Variants in ACVR1B observed in about 807,000 individuals in gnomAD.
The protein encoded by ACVR1B is activin receptor type-1B.
A neutral mutation model predicts 55.6 loss-of-function variants in ACVR1B; 15 were observed. The observed-to-expected ratio is 0.27, with a 90% CI of 0.18 to 0.42. ACVR1B has a LOEUF of 0.42. ACVR1B is among the 10% of genes least tolerant of loss of function. The pLI is 1.00. For synonymous variants in ACVR1B, 247 were observed against 254.6 expected (o/e 0.97, Z 0.28); for missense variants, 359 against 670.1 (o/e 0.54, Z 5.13).
chr12:51,984,960 A>C (rs1942050361), intron 5 of ACVR1B, among the ~76,000 whole-genome samples: 1 of 152,222 alleles, frequency 6.6e-6, no homozygotes, highest in Admixed American at 6.5e-5. Flanking sequence ...TATGGTCGTA[A>C]CTTAGCTACA....
In ACVR1B at chr12:51,966,272, G is replaced by T. The variant is rs1592246656; in HGVS notation, c.92-8993G>T. On this transcript the variant is annotated intron_variant, in intron 1 of 8. Transcript: ENST00000257963. ...AGAGGAACATGTTAAATGACACCTT[G>T]GAGAGTCAACCCAAAAAATCCAGAA... Among the ~76,000 whole-genome samples, 6 of 152,188 alleles carry T rather than the reference G, an allele frequency of 3.9e-5. No homozygotes were observed. The South Asian group carries it at 1.0e-3, about 26-fold the overall frequency.
At chr12:51,965,832 G>A (rs1360668849) in intron 1 of ACVR1B, among the ~76,000 whole-genome samples, 1 of 152,238 alleles carries the variant, frequency 6.6e-6, no homozygotes, top group Non-Finnish European at 1.5e-5. Context: ...AGGATACGCA[G>A]TCTTAGAACT....
intron 1 of ACVR1B, among the ~76,000 whole-genome samples, chr12:51,965,788 G>C (rs1941627588): frequency 6.6e-6 from 1 of 152,200 alleles, no homozygotes; most frequent in Non-Finnish European, 1.5e-5. Context: ...GAACAAGAGA[G>C]GAATGTAGCA....
chr12:51,961,628 C>T (rs1218439962), intron 1 of ACVR1B, among the ~76,000 whole-genome samples: 1 of 152,178 alleles, frequency 6.6e-6, no homozygotes, highest in Non-Finnish European at 1.5e-5. Context: ...TCCTATCCCT[C>T]TTCTCACTCA....
chr12:51,982,560 C>A, intron 4 of ACVR1B: 1 of 1,087,156 alleles, frequency 9.2e-7, no homozygotes, highest in Non-Finnish European at 1.2e-6. Context: ...GTGGCTGGTT[C>A]ACATTGTGGA....
intron 1 of ACVR1B, among the ~76,000 whole-genome samples, chr12:51,966,902 C>A (rs533931259): frequency 6.6e-6 from 1 of 152,014 alleles, no homozygotes; most frequent in African/African-American, 2.4e-5. Context: ...ATATAACTTG[C>A]GGAAGATTGC....
chr12:51,989,765 C>G (rs1942152900), intron 7 of ACVR1B, among the ~76,000 whole-genome samples: 1 of 152,088 alleles, frequency 6.6e-6, no homozygotes, highest in African/African-American at 2.4e-5. Flanking sequence ...GTGGGCTGAT[C>G]ACAAGGTCAG....
At chr12:51,967,534 G>T (rs1941666494) in intron 1 of ACVR1B, among the ~76,000 whole-genome samples, 1 of 152,196 alleles carries the variant, frequency 6.6e-6, no homozygotes, top group Non-Finnish European at 1.5e-5. Context: ...ACTCCAGCCT[G>T]GGTGACAAGA....
intron 4 of ACVR1B, among the ~76,000 whole-genome samples, chr12:51,982,334 G>T (rs1273911464): frequency 6.6e-6 from 1 of 152,142 alleles, no homozygotes; most frequent in Non-Finnish European, 1.5e-5. Flanking sequence ...TTTTTGAGAG[G>T]ATTGTATTCC....
At chr12:51,977,628 T>G (rs1228501551) in intron 3 of ACVR1B, among the ~76,000 whole-genome samples, 1 of 144,120 alleles carries the variant, frequency 6.9e-6, no homozygotes, top group Non-Finnish European at 1.5e-5. Context: ...TTTTTTTTTT[T>G]GTTTTAAGAT....
chr12:51,981,848 CAAAAAAAAAAAAA>C (rs1334498835), intron 4 of ACVR1B, among the ~76,000 whole-genome samples: 1 of 128,208 alleles, frequency 7.8e-6, no homozygotes, highest in Non-Finnish European at 1.7e-5. Context: ...GACTCCGTCT[CAAAAAAAAAAAAA>C]GAAAAAAAAA....
intron 1 of ACVR1B, among the ~76,000 whole-genome samples, chr12:51,970,852 T>C (rs1334246938): frequency 6.6e-6 from 1 of 152,186 alleles, no homozygotes; most frequent in Non-Finnish European, 1.5e-5. Flanking sequence ...TGAAATTTAT[T>C]ATTCCCAAGT....
intron 1 of ACVR1B, among the ~76,000 whole-genome samples, chr12:51,966,593 C>T (rs1334401314): frequency 6.6e-6 from 1 of 152,130 alleles, no homozygotes; most frequent in Non-Finnish European, 1.5e-5. Context: ...GGACGACAGG[C>T]ATGTGCCACC....
intron 3 of ACVR1B, among the ~76,000 whole-genome samples, chr12:51,977,381 T>C (rs1428390830): frequency 1.3e-5 from 2 of 152,120 alleles, no homozygotes; most frequent in Admixed American, 1.3e-4. Context: ...CTCTGAAACC[T>C]CCACCTGCCT....
chr12:51,990,739 CCTA>C (rs1942174361), intron 7 of ACVR1B, among the ~76,000 whole-genome samples: 1 of 152,210 alleles, frequency 6.6e-6, no homozygotes, highest in African/African-American at 2.4e-5. Flanking sequence ...GAATACACCT[CCTA>C]CATTTCTTGT....
At chr12:51,992,216 G>A (rs1942205531) in intron 8 of ACVR1B, 1 of 597,440 alleles carries the variant, frequency 1.7e-6, no homozygotes, top group Non-Finnish European at 2.9e-6. Flanking sequence ...AAGAAGAAAA[G>A]GCTTTGGGCC....
intron 1 of ACVR1B, among the ~76,000 whole-genome samples, chr12:51,956,144 T>C (rs1468051500): frequency 6.6e-6 from 1 of 152,238 alleles, no homozygotes; most frequent in African/African-American, 2.4e-5. Flanking sequence ...AGGCAATCTT[T>C]ATCTGCTCTC....
chr12:51,957,140 G>C (rs560136316), intron 1 of ACVR1B, among the ~76,000 whole-genome samples: 4 of 152,028 alleles, frequency 2.6e-5, no homozygotes, highest in African/African-American at 7.2e-5. Context: ...TGTCACCCAG[G>C]CTGTATAGTA....
intron 7 of ACVR1B, among the ~76,000 whole-genome samples, chr12:51,988,831 T>C (rs576762675): frequency 6.6e-6 from 1 of 152,294 alleles, no homozygotes; most frequent in South Asian, 2.1e-4. Flanking sequence ...TTTAAAAATA[T>C]TTCCCAGGCT....
Sources: gnomAD v4.1 joint callset for allele counts (sites outside exome capture counted in the v4.1 genomes callset) on GRCh38, gnomAD v4.1.1 for gene constraint, MANE v1.5 for transcripts, NCBI Gene and HGNC (gene_info 2026-07-23, HGNC 2026-07-21) for gene names.